NOS1AP: variants seen among roughly 807,000 people sequenced by gnomAD.
NOS1AP encodes nitric oxide synthase 1 adaptor protein.
In NOS1AP, 21 loss-of-function variants were observed where a neutral mutation model predicts 56.2. That is an observed-to-expected ratio of 0.37 (90% CI 0.26 to 0.54). NOS1AP has a LOEUF of 0.54. Among genes scored for constraint, NOS1AP ranks in the 20% least tolerant of loss-of-function variants. NOS1AP has a pLI of 0.84. For synonymous variants in NOS1AP, 270 were observed against 274.6 expected, an observed-to-expected ratio of 0.98 and a Z score of 0.17; for missense variants, 522 against 657.8, an observed-to-expected ratio of 0.79 and a Z score of 2.26.
At chr1:162,076,532 C>T (rs1691772629) in intron 1 of NOS1AP, among the ~76,000 whole-genome samples, 1 of 152,072 alleles carries the variant, frequency 6.6e-6, no homozygotes, top group Non-Finnish European at 1.5e-5. Context: ...TCTGTACTAC[C>T]AGCACCACAG....
intron 2 of NOS1AP, among the ~76,000 whole-genome samples, chr1:162,163,675 C>T (rs1034618340): frequency 6.6e-6 from 1 of 152,000 alleles, no homozygotes; most frequent in Admixed American, 6.5e-5. Flanking sequence ...CCCCAGGTCA[C>T]CATTCCTGGG....
chr1:162,268,422 G>C (rs1211643867), intron 2 of NOS1AP, among the ~76,000 whole-genome samples: 1 of 152,104 alleles, frequency 6.6e-6, no homozygotes, highest in Non-Finnish European at 1.5e-5. Context: ...TCTGCAACTA[G>C]AAGGCCAGTT....
At chr1:162,256,724 T>C (rs930607177) in intron 2 of NOS1AP, among the ~76,000 whole-genome samples, 1 of 152,116 alleles carries the variant, frequency 6.6e-6, no homozygotes, top group Admixed American at 6.6e-5. Context: ...AGTAACGGGG[T>C]CTCCTATCTC....
At chr1:162,325,540 GC>G (rs1328147411) in intron 4 of NOS1AP, among the ~76,000 whole-genome samples, 1 of 152,012 alleles carries the variant, frequency 6.6e-6, no homozygotes, top group African/African-American at 2.4e-5. Context: ...AACACATTGG[GC>G]CCCCCAGAAT....
chr1:162,336,454 G>A (rs1408600145), intron 5 of NOS1AP, among the ~76,000 whole-genome samples: 5 of 152,206 alleles, frequency 3.3e-5, no homozygotes, highest in Admixed American at 3.3e-4. Flanking sequence ...AGACCCATTT[G>A]TAACTGGGTT....
rs371041763 is a variant in NOS1AP, at chr1:162,352,188, C to T, written c.596-2999C>T. ...AATTCTCCTGTTTCAGCCTCCCAAGCAGCTGGGATTACAGGCATGTACCAC... is the reference window on the plus strand; with the variant it reads ...AATTCTCCTGTTTCAGCCTCCCAAGTAGCTGGGATTACAGGCATGTACCAC... On this transcript the variant is annotated intron_variant, in intron 6 of 9. Coordinates refer to ENST00000361897, the MANE Select transcript of NOS1AP (RefSeq NM_014697.3). Among the ~76,000 whole-genome samples, 24 of 152,130 alleles carry T rather than the reference C, an allele frequency of 1.6e-4. 1 individual carries two copies. Among genetic ancestry groups the T allele is most frequent in the South Asian group, 1.0e-3 (5 of 4,806 alleles).
In NOS1AP at chr1:162,343,793, C is replaced by T. The variant is rs111478676; in HGVS notation, c.454-42C>T. ...TGAGTTTCTATCCACATGCCCCTTG[C>T]GCATCCTCACCCATCCTGTTCTTCT... On this transcript the variant is annotated intron_variant, in intron 5 of 9. Transcript: ENST00000361897. The T allele has an allele frequency of 3.0e-5, 49 of 1,612,644 alleles. No homozygotes were observed. In the South Asian group the frequency reaches 4.2e-4, roughly 14 times the overall value.
intron 2 of NOS1AP, among the ~76,000 whole-genome samples, chr1:162,243,517 G>T (rs572254047): frequency 7.4e-4 from 113 of 152,326 alleles, no homozygotes; most frequent in African/African-American, 2.6e-3. Flanking sequence ...ACAGAGAAGA[G>T]TGTAAGGTCT....
chr1:162,070,276 G>A lies in NOS1AP; in HGVS notation c.99G>A (p.Glu33=), dbSNP rs1170002965. The change falls in exon 1 of 10, where the codon GAG becomes GAA. Residue 33 remains glutamate (E), a synonymous_variant. Transcript: ENST00000361897. ...EDAFQHGICF[E]AKYVGSLDVP... The stretch of plus-strand genomic sequence containing the variant: ...CCTTCCAGCACGGCATCTGCTTTGA[G>A]GCCAAGGTGAGGGGGCTCCGGGGAG... 12 of 1,613,038 alleles carry A rather than the reference G, an allele frequency of 7.4e-6. No homozygotes were observed. The highest frequency in any genetic ancestry group is 1.3e-5 in the African/African-American group (1 of 74,928).
chr1:162,312,758 A>G (rs1036413621), intron 4 of NOS1AP, among the ~76,000 whole-genome samples: 2 of 152,160 alleles, frequency 1.3e-5, no homozygotes, highest in African/African-American at 4.8e-5. Flanking sequence ...CGAATCCAGC[A>G]GCACGTCAAA....
At chr1:162,174,168 A>T (rs965318017) in intron 2 of NOS1AP, among the ~76,000 whole-genome samples, 2 of 152,170 alleles carry the variant, frequency 1.3e-5, no homozygotes, top group African/African-American at 4.8e-5. Context: ...CCAAATGTCC[A>T]ACAATGATAG....
At chr1:162,297,291 GTC>G (rs1655496518) in intron 3 of NOS1AP, among the ~76,000 whole-genome samples, 1 of 152,228 alleles carries the variant, frequency 6.6e-6, no homozygotes, top group African/African-American at 2.4e-5. Context: ...GGAGCAGACT[GTC>G]CTGATGGTAA....
intron 2 of NOS1AP, among the ~76,000 whole-genome samples, chr1:162,178,607 C>T (rs1278641485): frequency 6.6e-6 from 1 of 152,174 alleles, no homozygotes; most frequent in East Asian, 1.9e-4. Flanking sequence ...ACTCATCCCT[C>T]CTGATGCCAG....
intron 1 of NOS1AP, among the ~76,000 whole-genome samples, chr1:162,073,985 T>C (rs1691718186): frequency 6.6e-6 from 1 of 152,194 alleles, no homozygotes; most frequent in African/African-American, 2.4e-5. Context: ...GTCTCTCCTC[T>C]CTTGGTGAGA....
At chr1:162,311,015 T>C (rs1656009098) in intron 4 of NOS1AP, among the ~76,000 whole-genome samples, 1 of 152,124 alleles carries the variant, frequency 6.6e-6, no homozygotes, top group Admixed American at 6.6e-5. Context: ...AGCTCTCTCC[T>C]TTCCTTTTTT....
chr1:162,335,962 A>C (rs1656927947), intron 5 of NOS1AP, among the ~76,000 whole-genome samples: 4 of 151,806 alleles, frequency 2.6e-5, no homozygotes. Flanking sequence ...TCCTTGGGCC[A>C]CTCACACAGA....
rs1208053980 is a variant in NOS1AP, at chr1:162,069,772, C to CCACCGT, written c.-404_-399dup. 6.4e-6 allele frequency: 1 copy of CCACCGT among 155,194 alleles called. No individual in the cohort carries two copies. The highest frequency in any genetic ancestry group is 2.4e-5 in the African/African-American group (1 of 41,420). The allele number at this position is 155,194 out of a possible 1,614,324, so 9.6% of individuals were successfully genotyped here. A position where few individuals can be genotyped will look rare whatever the true frequency, so the allele number is the denominator to read the frequency against. ...TCCGCCGCCACCGCCACCGCCACCG[C>CCACCGT]CACCGTCGCCTTTTCTTCTTCGTCC... On this transcript the variant is annotated 5_prime_UTR_variant, in exon 1 of 10. Coordinates refer to ENST00000361897, the MANE Select transcript of NOS1AP (RefSeq NM_014697.3).
At chr1:162,208,266 T>C (rs1571128045) in intron 2 of NOS1AP, among the ~76,000 whole-genome samples, 1 of 152,214 alleles carries the variant, frequency 6.6e-6, no homozygotes, top group African/African-American at 2.4e-5. Context: ...GCCACACTTT[T>C]CTCAGAATCT....
At chr1:162,349,136 G>A (rs539614311) in intron 6 of NOS1AP, among the ~76,000 whole-genome samples, 5 of 151,654 alleles carry the variant, frequency 3.3e-5, no homozygotes, top group Admixed American at 6.6e-5. Context: ...GTGGTGAGCC[G>A]AGATCGCACC....
Sources: allele counts gnomAD v4.1 joint callset (sites outside exome capture counted in the v4.1 genomes callset), GRCh38; gene constraint gnomAD v4.1.1; transcripts MANE v1.5; gene names NCBI Gene and HGNC (gene_info 2026-07-23, HGNC 2026-07-21).